Variants in AEBP1 observed in about 807,000 individuals in gnomAD.
AEBP1 encodes AE binding protein 1, also known as adipocyte enhancer-binding protein 1.
A neutral mutation model predicts 116.5 loss-of-function variants in AEBP1; 69 were observed. The observed-to-expected ratio is 0.59, with a 90% confidence interval of 0.49 to 0.72. The LOEUF is 0.72. Ranked by LOEUF, AEBP1 falls within the 30% of genes least tolerant of loss-of-function variation. The pLI, the probability that AEBP1 is intolerant of heterozygous loss-of-function variation, is 0.00. For missense variants in AEBP1, 1,444 were observed against 1,557.5 expected, an observed-to-expected ratio of 0.93 and a Z score of 1.23; for synonymous variants, 627 against 627.3, an observed-to-expected ratio of 1.00 and a Z score of 0.01.
At position 44,107,951 on chromosome 7, in the gene AEBP1, A is replaced by C; in HGVS notation, c.862+20A>C. 1 of 1,502,234 alleles carries C rather than the reference A, an allele frequency of 6.7e-7. No individual in the cohort carries two copies. Among genetic ancestry groups the C allele is most frequent in the Non-Finnish European group, 8.8e-7 (1 of 1,134,704 alleles). 93.1% of individuals were successfully genotyped at this position (1,502,234 alleles called of 1,614,324 possible). Reference sequence around the variant, plus strand: ...GGATTGGTAGGATGGGGGGCAGGAGAGGAGGTGCCATGGCCACGGCGCTCT... The same window carrying C: ...GGATTGGTAGGATGGGGGGCAGGAGCGGAGGTGCCATGGCCACGGCGCTCT... On this transcript the variant is annotated intron_variant, in intron 5 of 20. Transcript: ENST00000223357. This position sits in a 1 kb window ranked among gnomAD's most constrained non-coding sequence, Gnocchi z 4.3.
Position 44,113,303 on chromosome 7 carries a change from G to A in AEBP1, c.2761G>A (p.Ala921Thr), listed in dbSNP as rs1360110930. 1 of 1,613,630 alleles carries A rather than the reference G, an allele frequency of 6.2e-7. No individual in the cohort carries two copies. Among genetic ancestry groups the A allele is most frequent in the South Asian group, 1.1e-5 (1 of 91,044 alleles). The change falls in exon 20 of 21, where the codon GCC becomes ACC. Residue 921 changes from alanine to threonine, a missense_variant. Ala to Thr is a moderately conservative substitution (Grantham distance 58). Coordinates refer to ENST00000223357, the MANE Select transcript of AEBP1 (RefSeq NM_001129.5). This position sits in a 1 kb window ranked among gnomAD's most constrained non-coding sequence, Gnocchi z 5.3. ...GACGGACGAGCAAGGCATCCCCATT[G>A]CCAACGCCACCATCTCTGTGAGTGG... ...VVTDEQGIPI[A>T]NATISVSGIN...
Position 44,114,379 on chromosome 7 carries a change from G to A in AEBP1, c.*118G>A. ...ATGGAAGGCCCCTGGTATGGACACT[G>A]AAAGGAAGGGCTGGTCCTGCCCCTT... On this transcript the variant is annotated 3_prime_UTR_variant, in exon 21 of 21. Transcript: ENST00000223357. 8.6e-7 allele frequency: 1 copy of A among 1,160,942 alleles called. No individual in the cohort carries two copies. The highest frequency in any genetic ancestry group is 1.5e-5 in the African/African-American group (1 of 65,850). 71.9% of individuals were successfully genotyped at this position (1,160,942 alleles called of 1,614,324 possible).
In AEBP1 at chr7:44,108,885, C is replaced by G; in HGVS notation, c.941-14C>G. 1 of 1,565,588 alleles carries G rather than the reference C, an allele frequency of 6.4e-7. No individual in the cohort carries two copies. The highest frequency in any genetic ancestry group is 8.7e-7 in the Non-Finnish European group (1 of 1,155,912). On this transcript the variant is annotated splice_polypyrimidine_tract_variant and intron_variant, in intron 6 of 20. Coordinates refer to ENST00000223357, the MANE Select transcript of AEBP1 (RefSeq NM_001129.5). This position sits in a 1 kb window ranked among gnomAD's most constrained non-coding sequence, Gnocchi z 5.0. The stretch of plus-strand genomic sequence containing the variant: ...AGGGTCAGGGCAGCCTCAGCTGGCT[C>G]TCCCTCCCCATAGTGGACTATTACT...
At position 44,113,782 on chromosome 7, in the gene AEBP1, C is replaced by T. The variant is rs764755485; in HGVS notation, c.2998C>T (p.Arg1000Trp). The change falls in exon 21 of 21, where the codon CGG (arginine) becomes TGG (tryptophan). Residue 1000 changes from arginine to tryptophan, a missense_variant. Physicochemically the swap from Arg to Trp is moderately radical, Grantham distance 101 (BLOSUM62 -3). Coordinates refer to ENST00000223357, the MANE Select transcript of AEBP1 (RefSeq NM_001129.5). This position sits in a 1 kb window ranked among gnomAD's most constrained non-coding sequence, Gnocchi z 5.3. ...GGAGATCATGGCCATGAACGGGAAC[C>T]GGCCTATCCCACACATAGACCCATC... ...IREIMAMNGNRPIPHIDPSRP... is the reference protein window; with the variant it reads ...IREIMAMNGNWPIPHIDPSRP... 6 of 1,613,958 alleles carry T rather than the reference C, an allele frequency of 3.7e-6. No homozygotes were observed. Among genetic ancestry groups the T allele is most frequent in the Admixed American group, 3.3e-5 (2 of 60,004 alleles).
At chr7:44,110,689 G>A in intron 11 of AEBP1, 36 bp from the exon 12 acceptor site, 1 of 1,500,186 alleles carries the variant, frequency 6.7e-7, no homozygotes, top group Non-Finnish European at 8.9e-7. Context: ...CCTGGGAGGG[G>A]GAAGACCCTT....
Position 44,111,235 on chromosome 7 carries a change from G to A in AEBP1, c.1712G>A (p.Arg571His), listed in dbSNP as rs200867650. The A allele has an allele frequency of 1.4e-5, 21 of 1,514,168 alleles. No homozygotes were observed. Among genetic ancestry groups the A allele is most frequent in the African/African-American group, 4.2e-5 (3 of 71,854 alleles). 93.8% of individuals were successfully genotyped at this position (1,514,168 alleles called of 1,614,324 possible). A position where few individuals can be genotyped will look rare whatever the true frequency, so the allele number is the denominator to read the frequency against. The change falls in exon 14 of 21, where the codon CGC (arginine) becomes CAC (histidine). Residue 571 changes from arginine to histidine, a missense_variant. Transcript: ENST00000223357. The surrounding 1 kb of genome is among the most constrained non-coding windows in gnomAD (Gnocchi z 4.7). ...CGGCACCACAGCTACAAGGACATGC[G>A]CCAGGTTGGGAGCATATATCCTGGG... ...DFRHHSYKDM[R>H]QLMKVVNEEC...
In AEBP1 at chr7:44,112,965, T is replaced by G. The variant is rs2096231565; in HGVS notation, c.2570-26T>G. On this transcript the variant is annotated intron_variant, in intron 18 of 20. Coordinates refer to ENST00000223357, the MANE Select transcript of AEBP1 (RefSeq NM_001129.5). The surrounding 1 kb of genome is among the most constrained non-coding windows in gnomAD (Gnocchi z 6.6). ...GGCCTGGTCCGGAGAGGGGCTGACT[T>G]TGGGTCTGTATCTGTCCCCGGCCAG... The G allele has an allele frequency of 5.6e-6, 9 of 1,613,286 alleles. No homozygotes were observed. Among genetic ancestry groups the G allele is most frequent in the African/African-American group, 1.3e-5 (1 of 74,808 alleles).
Position 44,109,298 on chromosome 7 carries a change from G to A in AEBP1, c.1107G>A (p.Lys369=). 1.2e-6 allele frequency: 2 copies of A among 1,609,344 alleles called. No homozygotes were observed. The highest frequency in any genetic ancestry group is 2.2e-5 in the South Asian group (2 of 90,564). The part of the protein sequence containing the change: ...EKGKDHKEPR[K]GEELEEEWTP... ...CTTCATTGTCCCTAGAGCCCCGAAA[G>A]GGCGAGGAGTTGGAGGAGGAGTGGA... The change falls in exon 9 of 21, where the codon AAG becomes AAA. Residue 369 remains lysine, a synonymous_variant. Coordinates refer to ENST00000223357, the MANE Select transcript of AEBP1 (RefSeq NM_001129.5).
Position 44,114,105 on chromosome 7 carries a change from C to CGAGTTTGAGACCCAGTTGGAGCCT in AEBP1, c.3337_3360dup (p.Thr1119_Glu1126dup), listed in dbSNP as rs771678578. Reference sequence around the variant, plus strand: ...CCGAGTTTGGGACCAAGGTGGAGCCCGAGTTTGAGACCCAGTTGGAGCCTG... The same window carrying CGAGTTTGAGACCCAGTTGGAGCCT: ...CCGAGTTTGGGACCAAGGTGGAGCCCGAGTTTGAGACCCAGTTGGAGCCTGAGTTTGAGACCCAGTTGGAGCCTG... On this transcript the variant is annotated inframe_insertion, in exon 21 of 21. Transcript: ENST00000223357. 2.5e-6 allele frequency: 4 copies of CGAGTTTGAGACCCAGTTGGAGCCT among 1,613,736 alleles called. No individual in the cohort carries two copies. The highest frequency in any genetic ancestry group is 3.4e-6 in the Non-Finnish European group (4 of 1,179,924).
rs1196399014 is a variant in AEBP1 at position 44,114,057 on chromosome 7, AGAGTTTGGGACCGAGGTGGAGCCC to A, written c.3286_3309del (p.Glu1096_Thr1103del). ...CTGAGACCTACACAGAGGTGGTGAC[AGAGTTTGGGACCGAGGTGGAGCCC>A]GAGTTTGGGACCAAGGTGGAGCCCG... is the stretch of plus-strand genomic sequence containing the variant. On this transcript the variant is annotated inframe_deletion, in exon 21 of 21. Coordinates refer to ENST00000223357, the MANE Select transcript of AEBP1 (RefSeq NM_001129.5). 5.6e-6 allele frequency: 9 copies of A among 1,613,968 alleles called. No individual in the cohort carries two copies. The highest frequency in any genetic ancestry group is 2.2e-5 in the East Asian group (1 of 44,898).
In AEBP1 at chr7:44,112,265, C is replaced by A. The variant is rs750773968; in HGVS notation, c.2161C>A (p.Arg721=). The change falls in exon 17 of 21, where the codon CGG becomes AGG. Residue 721 remains arginine, a synonymous_variant. Transcript: ENST00000223357. The surrounding 1 kb of genome is among the most constrained non-coding windows in gnomAD (Gnocchi z 6.6). ...TGAGGAGAGGAAATGGGTCCCCTAC[C>A]GGGTCCCCAACAATAACTTGCCCAT... The part of the protein sequence containing the change: ...GAEERKWVPY[R]VPNNNLPIPE... 1 of 1,594,714 alleles carries A rather than the reference C, an allele frequency of 6.3e-7. No individual in the cohort carries two copies. The highest frequency in any genetic ancestry group is 8.6e-7 in the Non-Finnish European group (1 of 1,167,800).
In AEBP1 at chr7:44,114,188, A is replaced by G. The variant is rs748599377; in HGVS notation, c.3404A>G (p.Glu1135Gly). 1 of 1,614,006 alleles carries G rather than the reference A, an allele frequency of 6.2e-7. No homozygotes were observed. The highest frequency in any genetic ancestry group is 8.5e-7 in the Non-Finnish European group (1 of 1,180,034). The change falls in exon 21 of 21, where the codon GAG (glutamate) becomes GGG (glycine). Residue 1135 changes from glutamate to glycine, a missense_variant. By Grantham distance (98) the Glu-to-Gly change is moderately conservative. Coordinates refer to ENST00000223357, the MANE Select transcript of AEBP1 (RefSeq NM_001129.5). ...FEEEEEEEKEEEIATGQAFPF... is the reference protein window; with the variant it reads ...FEEEEEEEKEGEIATGQAFPF... The stretch of plus-strand genomic sequence containing the variant: ...GAAGAGGAGGAGGAGGAGAAAGAGG[A>G]GGAGATAGCCACTGGCCAGGCATTC...
In AEBP1 at chr7:44,111,073, T is replaced by A. The variant is rs376076120; in HGVS notation, c.1630+16T>A. 6.2e-7 allele frequency: 1 copy of A among 1,602,436 alleles called. No individual in the cohort carries two copies. The highest frequency in any genetic ancestry group is 1.3e-5 in the African/African-American group (1 of 74,910). Reference sequence around the variant, plus strand: ...TCTGTGGCCCGTGAGTGTGGAGGGCTGGCAGGGGCTCTGAGTGGAGGTGGG... The same window carrying A: ...TCTGTGGCCCGTGAGTGTGGAGGGCAGGCAGGGGCTCTGAGTGGAGGTGGG... On this transcript the variant is annotated intron_variant, in intron 13 of 20. Coordinates refer to ENST00000223357, the MANE Select transcript of AEBP1 (RefSeq NM_001129.5). The surrounding 1 kb of genome is among the most constrained non-coding windows in gnomAD (Gnocchi z 4.7).
chr7:44,108,225 C>A lies in AEBP1; in HGVS notation c.940+141C>A. 1.3e-6 allele frequency: 1 copy of A among 783,218 alleles called. No homozygotes were observed. The highest frequency in any genetic ancestry group is 1.7e-5 in the South Asian group (1 of 58,972). 48.5% of individuals were successfully genotyped at this position (783,218 alleles called of 1,614,324 possible). A position where few individuals can be genotyped will look rare whatever the true frequency, so the allele number is the denominator to read the frequency against. On this transcript the variant is annotated intron_variant, in intron 6 of 20. Coordinates refer to ENST00000223357, the MANE Select transcript of AEBP1 (RefSeq NM_001129.5). This position sits in a 1 kb window ranked among gnomAD's most constrained non-coding sequence, Gnocchi z 5.0. ...TGGTTACCTCGCTGTCCCTGCTGTCCCTGCGTGCCCACCCCAGCCACTGCC... is the reference window on the plus strand; with the variant it reads ...TGGTTACCTCGCTGTCCCTGCTGTCACTGCGTGCCCACCCCAGCCACTGCC...
Position 44,111,289 on chromosome 7 carries a change from C to A in AEBP1, c.1716+50C>A, listed in dbSNP as rs201743601. ...GGGGGTGGGACCTGTCTGTGGCTGA[C>A]GGGAGTGTGTGCCTGGTGCTTCTGT... On this transcript the variant is annotated intron_variant, in intron 14 of 20. Transcript: ENST00000223357. This position sits in a 1 kb window ranked among gnomAD's most constrained non-coding sequence, Gnocchi z 4.7. The A allele has an allele frequency of 2.7e-6, 4 of 1,477,232 alleles. No individual in the cohort carries two copies. In the African/African-American group the frequency reaches 5.7e-5, roughly 21 times the overall value. The allele number at this position is 1,477,232 out of a possible 1,614,324, so 91.5% of individuals were successfully genotyped here. A position where few individuals can be genotyped will look rare whatever the true frequency, so the allele number is the denominator to read the frequency against.
rs1470869760 is a variant in AEBP1 at position 44,108,652 on chromosome 7, C to T, written c.941-247C>T. Among the ~76,000 whole-genome samples the T allele has an allele frequency of 6.6e-6, 1 of 152,150 alleles. No individual in the cohort carries two copies. Among genetic ancestry groups the T allele is most frequent in the Non-Finnish European group, 1.5e-5 (1 of 68,030 alleles). On this transcript the variant is annotated intron_variant, in intron 6 of 20. Coordinates refer to ENST00000223357, the MANE Select transcript of AEBP1 (RefSeq NM_001129.5). The surrounding 1 kb of genome is among the most constrained non-coding windows in gnomAD (Gnocchi z 5.0). ...CAGGCCTTTCCCATGCCCTGGGCCT[C>T]GAGTCCTTTCCCCAGGCCAGATGCT... is the stretch of plus-strand genomic sequence containing the variant.
At position 44,113,978 on chromosome 7, in the gene AEBP1, T is replaced by C; in HGVS notation, c.3194T>C (p.Ile1065Thr). 6.2e-7 allele frequency: 1 copy of C among 1,613,696 alleles called. No individual in the cohort carries two copies. Among genetic ancestry groups the C allele is most frequent in the Non-Finnish European group, 8.5e-7 (1 of 1,179,828 alleles). ...PAPATTLSTT[I>T]EPWGLIPPTT... ...CCTGCCACCACCCTGAGCACTACCA[T>C]AGAGCCCTGGGGCCTCATACCGCCA... The change falls in exon 21 of 21, where the codon ATA (isoleucine) becomes ACA (threonine). Residue 1065 changes from isoleucine (I) to threonine (T), a missense_variant. Transcript: ENST00000223357. The surrounding 1 kb of genome is among the most constrained non-coding windows in gnomAD (Gnocchi z 5.3).
In AEBP1 at chr7:44,106,737, G is replaced by A; in HGVS notation, c.445G>A (p.Ala149Thr). Residue 149 changes from alanine (A) to threonine (T), a missense_variant, in exon 2 of 21, where the codon GCC becomes ACC. Transcript: ENST00000223357. The part of the protein sequence containing the change: ...TKKPKEKPPK[A>T]TKKPKEKPPK... ...GAAGCCCAAGGAGAAGCCACCCAAG[G>A]CCACCAAGAAGCCCAAAGAGAAGCC... The A allele has an allele frequency of 6.2e-7, 1 of 1,611,768 alleles. No individual in the cohort carries two copies. Among genetic ancestry groups the A allele is most frequent in the Non-Finnish European group, 8.5e-7 (1 of 1,179,412 alleles).
chr7:44,109,722 G>A (rs1156756561), intron 9 of AEBP1: 1 of 567,954 alleles, frequency 1.8e-6, no homozygotes, highest in East Asian at 3.0e-5. Flanking sequence ...AGCTCTACCT[G>A]TGATTTCACG....
Sources: allele counts gnomAD v4.1 joint callset (sites outside exome capture counted in the v4.1 genomes callset), GRCh38; gene constraint gnomAD v4.1.1; non-coding constraint Gnocchi (gnomAD v3.1); transcripts MANE v1.5; gene names NCBI Gene and HGNC (gene_info 2026-07-23, HGNC 2026-07-21).